The following CDH12 variants were observed in gnomAD, a reference collection of about 807,000 sequenced individuals.
CDH12 encodes cadherin-12.
A neutral mutation model predicts 74.1 loss-of-function variants in CDH12; 41 were observed. That is an observed-to-expected ratio of 0.55 (90% CI 0.43 to 0.72). The LOEUF (loss-of-function observed/expected upper bound fraction) is 0.72. CDH12 is among the 30% of genes least tolerant of loss of function. The pLI is 0.00. For synonymous variants in CDH12, 399 were observed against 355.0 expected (o/e 1.12, Z -1.39); for missense variants, 945 against 977.2 (o/e 0.97, Z 0.44).
At chr5:22,407,170 C>T (rs1742975076) in intron 2 of CDH12, among the ~76,000 whole-genome samples, 1 of 151,986 alleles carries the variant, frequency 6.6e-6, no homozygotes, top group African/African-American at 2.4e-5. Context: ...CTTGAAGGTG[C>T]CATTGACATC....
chr5:22,180,129 A>T (rs1277094398), intron 4 of CDH12, among the ~76,000 whole-genome samples: 1 of 152,192 alleles, frequency 6.6e-6, no homozygotes, highest in Admixed American at 6.5e-5. Context: ...AATAACATCT[A>T]CTGCAAACAT....
At chr5:22,757,302 A>G (rs1162926360) in intron 1 of CDH12, among the ~76,000 whole-genome samples, 1 of 152,214 alleles carries the variant, frequency 6.6e-6, no homozygotes, top group Non-Finnish European at 1.5e-5. Flanking sequence ...CATGAAACAT[A>G]ATATTTACCT....
At chr5:22,621,194 C>T (rs528541589) in intron 1 of CDH12, among the ~76,000 whole-genome samples, 1 of 152,272 alleles carries the variant, frequency 6.6e-6, no homozygotes, top group African/African-American at 2.4e-5. Context: ...CTGCTTCTGT[C>T]TTTCACTTAT....
chr5:22,130,315 G>A lies in CDH12; in HGVS notation c.-186-51453C>T, dbSNP rs184459734. ...CACAAAGTCAATTACTTAAAAAGTT[G>A]AGAATCACTGGCAGTGCTGGATGAT... On this transcript the variant is annotated intron_variant, in intron 4 of 14. Transcript: ENST00000382254. 9.0e-3 allele frequency among the ~76,000 whole-genome samples: 1,365 copies of A among 151,884 alleles called. 24 individuals are homozygous for A. Among genetic ancestry groups the A allele is most frequent in the African/African-American group, 0.032 (1,306 of 41,424 alleles).
intron 1 of CDH12, among the ~76,000 whole-genome samples, chr5:22,774,332 A>C (rs1186943218): frequency 6.6e-6 from 1 of 152,166 alleles, no homozygotes; most frequent in Non-Finnish European, 1.5e-5. Context: ...AGCAACATGG[A>C]TGCAGCTGGA....
chr5:21,845,203 T>C (rs1215506230), intron 7 of CDH12, among the ~76,000 whole-genome samples: 1 of 152,122 alleles, frequency 6.6e-6, no homozygotes, highest in Non-Finnish European at 1.5e-5. Flanking sequence ...TTCACATGAA[T>C]AAATATATGT....
intron 4 of CDH12, among the ~76,000 whole-genome samples, chr5:22,117,436 T>TTA (rs1263482105): frequency 1.6e-4 from 17 of 108,244 alleles, no homozygotes; most frequent in East Asian, 2.4e-4. Flanking sequence ...CATATATAAA[T>TTA]TATATATATA....
chr5:21,799,099 T>G (rs977944690), intron 10 of CDH12, among the ~76,000 whole-genome samples: 1 of 152,108 alleles, frequency 6.6e-6, no homozygotes, highest in African/African-American at 2.4e-5. Flanking sequence ...GGTAGATATA[T>G]GGACAGTAAA....
At chr5:22,839,787 A>T (rs1219831741) in intron 1 of CDH12, among the ~76,000 whole-genome samples, 1 of 152,194 alleles carries the variant, frequency 6.6e-6, no homozygotes, top group Non-Finnish European at 1.5e-5. Context: ...CACAACCACA[A>T]TTTCATTGTA....
intron 3 of CDH12, among the ~76,000 whole-genome samples, chr5:22,227,379 T>A (rs1362848199): frequency 6.6e-6 from 1 of 152,130 alleles, no homozygotes; most frequent in Admixed American, 6.6e-5. Context: ...AAGTCCCACA[T>A]AAGTTGTCTT....
At chr5:22,126,437 T>C (rs1014732730) in intron 4 of CDH12, among the ~76,000 whole-genome samples, 11 of 152,284 alleles carry the variant, frequency 7.2e-5, no homozygotes, top group Admixed American at 7.2e-4. Context: ...GATAAAGAGA[T>C]TGGCCAGAAC....
At chr5:22,723,151 T>A (rs1743984775) in intron 1 of CDH12, among the ~76,000 whole-genome samples, 2 of 152,214 alleles carry the variant, frequency 1.3e-5, no homozygotes, top group South Asian at 4.1e-4. Flanking sequence ...TATAGTCCTT[T>A]TCTTCTTACA....
At chr5:22,139,820 C>T (rs1325427551) in intron 4 of CDH12, among the ~76,000 whole-genome samples, 4 of 152,088 alleles carry the variant, frequency 2.6e-5, no homozygotes, top group Non-Finnish European at 4.4e-5. Flanking sequence ...TAATCACGTT[C>T]GAGCTGGAGA....
intron 1 of CDH12, among the ~76,000 whole-genome samples, chr5:22,624,462 GA>G (rs1738163450): frequency 6.6e-6 from 1 of 151,860 alleles, no homozygotes; most frequent in African/African-American, 2.4e-5. Flanking sequence ...AAATTTACAA[GA>G]AAAAAACAAA....
At chr5:22,772,570 A>C (rs113650143) in intron 1 of CDH12, among the ~76,000 whole-genome samples, 77 of 152,280 alleles carry the variant, frequency 5.1e-4, no homozygotes, top group African/African-American at 1.7e-3. Flanking sequence ...ATGGAAAAAT[A>C]AATTTAATTC....
At chr5:21,776,147 C>T (rs973091225) in intron 11 of CDH12, among the ~76,000 whole-genome samples, 1 of 152,192 alleles carries the variant, frequency 6.6e-6, no homozygotes, top group South Asian at 2.1e-4. Flanking sequence ...ATGTTACAAA[C>T]TGCTCTATGG....
intron 3 of CDH12, among the ~76,000 whole-genome samples, chr5:22,253,070 C>T (rs908275968): frequency 6.6e-6 from 1 of 151,858 alleles, no homozygotes; most frequent in Non-Finnish European, 1.5e-5. Context: ...AAGCACCTAG[C>T]ACCATGTTGA....
intron 3 of CDH12, among the ~76,000 whole-genome samples, chr5:22,228,525 A>T (rs1752271955): frequency 6.6e-6 from 1 of 152,198 alleles, no homozygotes; most frequent in South Asian, 2.1e-4. Flanking sequence ...TTCTGACAAA[A>T]ATATGTAAAT....
intron 2 of CDH12, among the ~76,000 whole-genome samples, chr5:22,478,937 G>T (rs2126619779): frequency 6.6e-6 from 1 of 152,278 alleles, no homozygotes; most frequent in East Asian, 1.9e-4. Flanking sequence ...TTATCAAAGA[G>T]AATGATGCTC....
Sources: allele counts gnomAD v4.1 joint callset (sites outside exome capture counted in the v4.1 genomes callset), GRCh38; gene constraint gnomAD v4.1.1; transcripts MANE v1.5; gene names NCBI Gene and HGNC (gene_info 2026-07-23, HGNC 2026-07-21).